The following CSMD2 variants were observed in gnomAD, a reference collection of about 807,000 sequenced individuals.
CSMD2 encodes CUB and Sushi multiple domains 2, also known as CUB and sushi domain-containing protein 2.
CSMD2 carries 130 observed loss-of-function variants against 398.5 expected under a neutral mutation model. The ratio of observed to expected loss-of-function variants is 0.33; its 90% CI spans 0.28 to 0.38. The LOEUF is 0.38. Ranked by LOEUF, CSMD2 falls within the 10% of genes least tolerant of loss-of-function variation. The pLI is 1.00. For missense variants in CSMD2, 3,829 were observed against 4,764.9 expected, an observed-to-expected ratio of 0.80 and a Z score of 5.78; for synonymous variants, 1,828 against 1,908.5, an observed-to-expected ratio of 0.96 and a Z score of 1.10.
rs144971307 is a variant in CSMD2 at position 33,793,087 on chromosome 1, G to A, written c.1447-561C>T. ...GCACTCCCCATATGCCAGGCTGGGC[G>A]GTGGGTTTCCACAGTGAGCATGACA... On this transcript the variant is annotated intron_variant, in intron 10 of 70. Transcript: ENST00000373381. 2.6e-3 allele frequency among the ~76,000 whole-genome samples: 392 copies of A among 152,274 alleles called. 3 individuals are homozygous for A. The highest frequency in any genetic ancestry group is 8.4e-3 in the African/African-American group (351 of 41,548).
At chr1:33,699,451 T>G (rs935292282) in intron 23 of CSMD2, among the ~76,000 whole-genome samples, 2 of 152,188 alleles carry the variant, frequency 1.3e-5, no homozygotes, top group Admixed American at 1.3e-4. Context: ...GTCTTACAGG[T>G]GGGTATAATT....
chr1:33,656,639 C>T (rs1017511653), intron 27 of CSMD2, among the ~76,000 whole-genome samples: 1 of 152,224 alleles, frequency 6.6e-6, no homozygotes, highest in Non-Finnish European at 1.5e-5. Context: ...AAGCCCCTTA[C>T]ACCCATCTCC....
chr1:33,779,721 TCCCAGCCC>T (rs1327915455), intron 12 of CSMD2, among the ~76,000 whole-genome samples: 5 of 152,236 alleles, frequency 3.3e-5, no homozygotes, highest in Non-Finnish European at 7.3e-5. Context: ...TCTCTCTCGC[TCCCAGCCC>T]CCTTGGACAT....
intron 13 of CSMD2, among the ~76,000 whole-genome samples, chr1:33,750,627 T>C (rs1170459913): frequency 1.3e-5 from 2 of 152,170 alleles, no homozygotes; most frequent in Non-Finnish European, 2.9e-5. Context: ...ATTTATACTA[T>C]ATTGACTTCA....
chr1:33,679,882 C>T (rs1282732983), intron 25 of CSMD2, among the ~76,000 whole-genome samples: 1 of 150,760 alleles, frequency 6.6e-6, no homozygotes, highest in African/African-American at 2.4e-5. Context: ...AAAGCATTCC[C>T]TGTGTCTCTT....
At chr1:33,674,386 T>G (rs1644624105) in intron 25 of CSMD2, among the ~76,000 whole-genome samples, 1 of 152,004 alleles carries the variant, frequency 6.6e-6, no homozygotes. Context: ...GGTAAAGGGA[T>G]CAATTCAACA....
At chr1:33,991,216 C>T (rs566760452) in intron 3 of CSMD2, among the ~76,000 whole-genome samples, 122 of 152,098 alleles carry the variant, frequency 8.0e-4, no homozygotes, top group African/African-American at 2.7e-3. Flanking sequence ...TATGTTTTCC[C>T]AGCTGGCATG....
At chr1:34,048,360 G>A (rs532446172) in intron 2 of CSMD2, among the ~76,000 whole-genome samples, 1 of 152,334 alleles carries the variant, frequency 6.6e-6, no homozygotes, top group South Asian at 2.1e-4. Context: ...AGGTTTGATG[G>A]AACAGCTGAG....
intron 5 of CSMD2, among the ~76,000 whole-genome samples, chr1:33,891,976 C>T (rs1047674183): frequency 6.7e-6 from 1 of 150,130 alleles, no homozygotes; most frequent in Non-Finnish European, 1.5e-5. Flanking sequence ...GTGCAGCACA[C>T]TAGCATGGCG....
chr1:33,864,982 ATGGAGGGGAG>A (rs1639907373), intron 5 of CSMD2, among the ~76,000 whole-genome samples: 1 of 107,842 alleles, frequency 9.3e-6, no homozygotes, highest in Non-Finnish European at 1.9e-5. Context: ...AAGGAGGGGA[ATGGAGGGGAG>A]GGAAAGGGAG....
chr1:33,785,809 C>T (rs1177655940), intron 12 of CSMD2, among the ~76,000 whole-genome samples: 2 of 152,192 alleles, frequency 1.3e-5, no homozygotes, highest in African/African-American at 4.8e-5. Flanking sequence ...TGGTATGTCC[C>T]TTTCTTTTCC....
intron 5 of CSMD2, among the ~76,000 whole-genome samples, chr1:33,848,722 A>G (rs1570254887): frequency 6.6e-6 from 1 of 152,100 alleles, no homozygotes. Context: ...ATAAAAACCA[A>G]TTACTGTATT....
At chr1:33,831,035 T>C (rs980116427) in intron 6 of CSMD2, among the ~76,000 whole-genome samples, 5 of 152,190 alleles carry the variant, frequency 3.3e-5, no homozygotes, top group South Asian at 2.1e-4. Context: ...CTACGTCTGA[T>C]TGGTGTACCT....
In CSMD2 at chr1:34,094,804, AT is replaced by A. The variant is rs1421726392; in HGVS notation, c.188-5612del. On this transcript the variant is annotated intron_variant, in intron 1 of 70. Coordinates refer to ENST00000373381, the MANE Select transcript of CSMD2 (RefSeq NM_001281956.2). Reference sequence around the variant, plus strand: ...AGGAGACTTAGACTCCCACACATTAATAATGGGAGACTTTAACACCCCACTG... The same window carrying A: ...AGGAGACTTAGACTCCCACACATTAAAATGGGAGACTTTAACACCCCACTG... Among the ~76,000 whole-genome samples the A allele has an allele frequency of 3.9e-5, 6 of 152,008 alleles. No individual in the cohort carries two copies. The South Asian group carries it at 1.3e-3, about 32-fold the overall frequency.
chr1:33,581,205 C>G (rs1281140307), intron 47 of CSMD2, among the ~76,000 whole-genome samples: 1 of 151,862 alleles, frequency 6.6e-6, no homozygotes, highest in Non-Finnish European at 1.5e-5. Flanking sequence ...GGTTTTCAAA[C>G]TGGGAACTTC....
chr1:33,999,685 T>G (rs770650106), intron 3 of CSMD2, among the ~76,000 whole-genome samples: 3 of 152,190 alleles, frequency 2.0e-5, no homozygotes, highest in Non-Finnish European at 4.4e-5. Flanking sequence ...TAAGCTGCCA[T>G]GCCTAACCAG....
intron 25 of CSMD2, among the ~76,000 whole-genome samples, chr1:33,678,548 GC>G (rs1644797779): frequency 6.6e-6 from 1 of 152,154 alleles, no homozygotes; most frequent in South Asian, 2.1e-4. Context: ...AACAGCTGCT[GC>G]AGGGGGAAGG....
intron 3 of CSMD2, among the ~76,000 whole-genome samples, chr1:34,019,671 A>G (rs1294532303): frequency 6.6e-6 from 1 of 151,894 alleles, no homozygotes; most frequent in African/African-American, 2.4e-5. Flanking sequence ...GCTCTCCCCA[A>G]TGTCTCTAAA....
intron 42 of CSMD2, among the ~76,000 whole-genome samples, chr1:33,604,379 C>T (rs1314465069): frequency 6.6e-6 from 1 of 152,200 alleles, no homozygotes; most frequent in Non-Finnish European, 1.5e-5. Context: ...GTTTCGCAAA[C>T]AAGGTCCTCT....
Sources: gnomAD v4.1 joint callset for allele counts (sites outside exome capture counted in the v4.1 genomes callset) on GRCh38, gnomAD v4.1.1 for gene constraint, MANE v1.5 for transcripts, NCBI Gene and HGNC (gene_info 2026-07-23, HGNC 2026-07-21) for gene names.